Variants in TMEM117 observed in about 807,000 individuals in gnomAD.
TMEM117 encodes the protein transmembrane protein 117.
In TMEM117, 27 loss-of-function variants were observed where a neutral mutation model predicts 52.4. That is an observed-to-expected ratio of 0.51 (90% CI 0.38 to 0.71). TMEM117 has a LOEUF of 0.71. TMEM117 is among the 30% of genes least tolerant of loss of function. The pLI is 0.00. For missense variants in TMEM117, 556 were observed against 630.5 expected (o/e 0.88, Z 1.26); for synonymous variants, 215 against 206.3 (o/e 1.04, Z -0.36).
intron 3 of TMEM117, among the ~76,000 whole-genome samples, chr12:44,068,336 T>C (rs191632966): frequency 3.3e-5 from 5 of 152,244 alleles, no homozygotes; most frequent in Non-Finnish European, 7.3e-5. Flanking sequence ...TAACTGGTGC[T>C]AAGGGCCTAG....
chr12:43,797,760 G>A, the TMEM117 span: 3 of 1,613,332 alleles, frequency 1.9e-6, no homozygotes, highest in Non-Finnish European at 1.7e-6. Flanking sequence ...AGCCTGAAAG[G>A]CTTCTCGAGA....
At position 44,388,635 on chromosome 12, in the gene TMEM117, A is replaced by C; in HGVS notation, c.1508A>C (p.Gln503Pro). 1.9e-6 allele frequency: 3 copies of C among 1,613,376 alleles called. No homozygotes were observed. Among genetic ancestry groups the C allele is most frequent in the Non-Finnish European group, 2.5e-6 (3 of 1,179,488 alleles). ...TCTACTAGTGCAACAGAAGCTGATC[A>C]AGACCCAACGACTTCTAAAAGTACA... ...NESTSATEAD[Q>P]DPTTSKSTPT... Residue 503 changes from glutamine to proline, a missense_variant, in exon 8 of 8, where the codon CAA becomes CCA. This residue lies in a region of TMEM117 where 206 missense variants were observed against 211.1 expected (regional missense o/e 0.98). Coordinates refer to ENST00000266534, the MANE Select transcript of TMEM117 (RefSeq NM_032256.3).
At chr12:44,318,298 C>G (rs1951085380) in intron 6 of TMEM117, 2 of 152,420 alleles carry the variant, frequency 1.3e-5, no homozygotes, top group African/African-American at 4.8e-5. Flanking sequence ...AGGAAGTGCT[C>G]TGATTGTCTG....
At chr12:44,161,911 G>C (rs1037988199) in intron 4 of TMEM117, among the ~76,000 whole-genome samples, 1 of 152,066 alleles carries the variant, frequency 6.6e-6, no homozygotes, top group Non-Finnish European at 1.5e-5. Flanking sequence ...TGGTGAGAGA[G>C]GTAGTGAGGT....
At chr12:43,996,963 G>A (rs1467917229) in intron 3 of TMEM117, among the ~76,000 whole-genome samples, 1 of 152,236 alleles carries the variant, frequency 6.6e-6, no homozygotes, top group Non-Finnish European at 1.5e-5. Context: ...AGATACAAGA[G>A]TCAGAAAAAT....
At chr12:43,871,042 G>A (rs766726040) in intron 2 of TMEM117, among the ~76,000 whole-genome samples, 21 of 151,556 alleles carry the variant, frequency 1.4e-4, no homozygotes, top group Non-Finnish European at 2.4e-4. Flanking sequence ...GCCTTGGCCT[G>A]TCATAGTGCT....
At chr12:44,289,774 A>G (rs1035955525) in intron 5 of TMEM117, among the ~76,000 whole-genome samples, 2 of 151,818 alleles carry the variant, frequency 1.3e-5, no homozygotes, top group Non-Finnish European at 2.9e-5. Flanking sequence ...GGATGGTCTC[A>G]AACTCCTTCC....
At chr12:43,841,969 G>C (rs1197422914) in intron 1 of TMEM117, among the ~76,000 whole-genome samples, 5 of 152,182 alleles carry the variant, frequency 3.3e-5, no homozygotes, top group Non-Finnish European at 7.3e-5. Flanking sequence ...ACAGCAGCCT[G>C]TAATAACAGC....
intron 2 of TMEM117, among the ~76,000 whole-genome samples, chr12:43,899,030 C>G (rs1021138881): frequency 6.6e-6 from 1 of 152,190 alleles, no homozygotes; most frequent in African/African-American, 2.4e-5. Flanking sequence ...AGTGTTAAGG[C>G]AAGATCAGAA....
At chr12:43,804,333 C>T in the TMEM117 span, 2 of 596,368 alleles carry the variant, frequency 3.4e-6, no homozygotes, top group South Asian at 1.8e-5. Flanking sequence ...AAATTAGGGG[C>T]CCATAGGGAC....
chr12:43,813,231 G>GTTGTTTTTTTTTTTT, the TMEM117 span, among the ~76,000 whole-genome samples: 11 of 62,662 alleles, frequency 1.8e-4, no homozygotes, highest in African/African-American at 6.5e-4. Flanking sequence ...GTTTTCTCTT[G>GTTGTTTTTTTTTTTT]TTTTTTTTTT....
At chr12:43,846,654 T>C (rs1273935751) in intron 2 of TMEM117, among the ~76,000 whole-genome samples, 1 of 152,168 alleles carries the variant, frequency 6.6e-6, no homozygotes, top group Non-Finnish European at 1.5e-5. Context: ...AACAAATAAA[T>C]GTATACTCTG....
rs1220310076 is a variant in TMEM117, at chr12:44,178,310, C to G, written c.511-32980C>G. On this transcript the variant is annotated intron_variant, in intron 4 of 7. Coordinates refer to ENST00000266534, the MANE Select transcript of TMEM117 (RefSeq NM_032256.3). ...AAGCCATGCCACTCCCATTGTGTAC[C>G]TATCTAATTTGTTTACTGGCTATGA... 9.8e-5 allele frequency among the ~76,000 whole-genome samples: 15 copies of G among 152,290 alleles called. No individual in the cohort carries two copies. The East Asian group carries it at 2.9e-3, about 29-fold the overall frequency.
chr12:43,864,774 G>A (rs1943555368), intron 2 of TMEM117, among the ~76,000 whole-genome samples: 1 of 151,990 alleles, frequency 6.6e-6, no homozygotes, highest in Non-Finnish European at 1.5e-5. Context: ...GAGAATAAAA[G>A]CAGGCTGCTG....
intron 4 of TMEM117, among the ~76,000 whole-genome samples, chr12:44,205,905 A>G (rs561143615): frequency 1.5e-4 from 23 of 152,296 alleles, no homozygotes; most frequent in Admixed American, 5.2e-4. Flanking sequence ...CAATCCCATT[A>G]CTGGGCATAT....
chr12:43,919,052 GTGT>G (rs1944651279), intron 2 of TMEM117, among the ~76,000 whole-genome samples: 1 of 152,066 alleles, frequency 6.6e-6, no homozygotes, highest in East Asian at 1.9e-4. Context: ...AAAAACTTCG[GTGT>G]TGTATCTCCA....
intron 6 of TMEM117, among the ~76,000 whole-genome samples, chr12:44,353,071 T>C (rs1425536365): frequency 3.3e-5 from 5 of 151,992 alleles, no homozygotes; most frequent in Non-Finnish European, 7.4e-5. Flanking sequence ...TTTTCATGTG[T>C]TTTTTGGCTG....
intron 3 of TMEM117, among the ~76,000 whole-genome samples, chr12:44,131,367 G>T (rs1169860948): frequency 6.6e-6 from 1 of 152,076 alleles, no homozygotes; most frequent in African/African-American, 2.4e-5. Flanking sequence ...GTATAATTTA[G>T]TCATTTTAAT....
At chr12:44,226,983 A>AT (rs1424044980) in intron 5 of TMEM117, among the ~76,000 whole-genome samples, 2 of 152,074 alleles carry the variant, frequency 1.3e-5, no homozygotes, top group African/African-American at 4.8e-5. Flanking sequence ...CAAAGCAACC[A>AT]ATTTTTTTTT....
Sources: allele counts gnomAD v4.1 joint callset (sites outside exome capture counted in the v4.1 genomes callset), GRCh38; gene constraint gnomAD v4.1.1; regional missense constraint gnomAD v4.1.1; transcripts MANE v1.5; gene names NCBI Gene and HGNC (gene_info 2026-07-23, HGNC 2026-07-21).